The following NPAS2 variants were observed in gnomAD, a reference collection of about 807,000 sequenced individuals.
NPAS2 encodes neuronal PAS domain-containing protein 2.
A neutral mutation model predicts 107.5 loss-of-function variants in NPAS2; 23 were observed. The observed-to-expected ratio is 0.21, with a 90% confidence interval of 0.15 to 0.30. The LOEUF is 0.30. Ranked by LOEUF, NPAS2 falls within the 10% of genes least tolerant of loss-of-function variation. The pLI is 1.00. For missense variants in NPAS2, 756 were observed against 1,043.3 expected (o/e 0.72, Z 3.79); for synonymous variants, 403 against 417.5 (o/e 0.97, Z 0.42).
intron 1 of NPAS2, among the ~76,000 whole-genome samples, chr2:100,861,744 G>A (rs1032307708): frequency 6.6e-6 from 1 of 152,184 alleles, no homozygotes; most frequent in Non-Finnish European, 1.5e-5. Flanking sequence ...ATTCTGCCTT[G>A]TTTTCCCTTT....
At chr2:100,925,507 C>G (rs1683503476) in intron 3 of NPAS2, among the ~76,000 whole-genome samples, 1 of 152,174 alleles carries the variant, frequency 6.6e-6, no homozygotes, top group Non-Finnish European at 1.5e-5. Flanking sequence ...GCATTATAAG[C>G]CAGACGAGAG....
chr2:100,835,981 G>A (rs867573284), intron 1 of NPAS2, among the ~76,000 whole-genome samples: 2 of 152,228 alleles, frequency 1.3e-5, no homozygotes, highest in Admixed American at 6.5e-5. Flanking sequence ...ATTGTTCCTC[G>A]GTTTGACTCC....
intron 1 of NPAS2, among the ~76,000 whole-genome samples, chr2:100,850,362 A>G (rs1279546350): frequency 6.6e-6 from 1 of 152,170 alleles, no homozygotes; most frequent in African/African-American, 2.4e-5. Flanking sequence ...TTCAGCCTCC[A>G]AAGGTTGGGA....
chr2:100,882,144 A>T (rs1680390274), intron 1 of NPAS2, among the ~76,000 whole-genome samples: 1 of 152,156 alleles, frequency 6.6e-6, no homozygotes, highest in Non-Finnish European at 1.5e-5. Flanking sequence ...CAAGAGGTTC[A>T]AGTTCAGTGT....
chr2:100,990,584 A>G, intron 18 of NPAS2, 138 bp downstream of exon 18: 1 of 1,085,456 alleles, frequency 9.2e-7, no homozygotes, highest in South Asian at 1.5e-5. Context: ...CTAAGGAAGC[A>G]GAGGACAGGG....
chr2:100,892,513 G>T (rs940721995), intron 1 of NPAS2, among the ~76,000 whole-genome samples: 1 of 152,042 alleles, frequency 6.6e-6, no homozygotes, highest in African/African-American at 2.4e-5. Flanking sequence ...GCTCTATGAG[G>T]CTCCAGCAAG....
intron 1 of NPAS2, among the ~76,000 whole-genome samples, chr2:100,841,666 T>TACAC (rs1198155163): frequency 6.6e-6 from 1 of 152,144 alleles, no homozygotes. Context: ...GAATTCCATC[T>TACAC]ACACACACAT....
intron 10 of NPAS2, among the ~76,000 whole-genome samples, chr2:100,967,181 C>T (rs1162747084): frequency 6.6e-6 from 1 of 151,856 alleles, no homozygotes; most frequent in Non-Finnish European, 1.5e-5. Context: ...AGCCCACACC[C>T]TCAATCTGCT....
intron 1 of NPAS2, among the ~76,000 whole-genome samples, chr2:100,830,139 G>A (rs6741404): frequency 0.019 from 2,882 of 152,208 alleles, 82 homozygotes; most frequent in African/African-American, 0.065. Flanking sequence ...ATATCCTAAC[G>A]CGAATAGAAT....
chr2:100,853,681 G>A (rs929739556), intron 1 of NPAS2, among the ~76,000 whole-genome samples: 2 of 152,200 alleles, frequency 1.3e-5, no homozygotes, highest in Non-Finnish European at 2.9e-5. Context: ...TCTCAAGGCA[G>A]GATGCTGCAG....
rs867838301 is a variant in NPAS2, at chr2:100,971,086, C to T, written c.1140+12C>T. On this transcript the variant is annotated intron_variant, in intron 12 of 20. Coordinates refer to ENST00000335681, the MANE Select transcript of NPAS2 (RefSeq NM_002518.4). ...CCTCAGCACTAAAGGTACGCCCATC[C>T]CTGCCAGATGGATACGGCAAAGGTT... is the stretch of plus-strand genomic sequence containing the variant. 6.2e-7 allele frequency: 1 copy of T among 1,612,148 alleles called. No individual in the cohort carries two copies. Among genetic ancestry groups the T allele is most frequent in the African/African-American group, 1.3e-5 (1 of 74,852 alleles).
At chr2:100,826,976 A>G (rs1676428684) in intron 1 of NPAS2, among the ~76,000 whole-genome samples, 1 of 152,236 alleles carries the variant, frequency 6.6e-6, no homozygotes, top group African/African-American at 2.4e-5. Flanking sequence ...AACAATTTAA[A>G]TTAAATTTTA....
chr2:100,936,643 C>T (rs2104964767), intron 4 of NPAS2, among the ~76,000 whole-genome samples: 1 of 152,300 alleles, frequency 6.6e-6, no homozygotes, highest in South Asian at 2.1e-4. Flanking sequence ...TGTGAAAGCA[C>T]TGCAAGCATC....
At position 100,970,971 on chromosome 2, in the gene NPAS2, C is replaced by G; in HGVS notation, c.1056-19C>G. The G allele has an allele frequency of 1.2e-6, 2 of 1,611,860 alleles. No homozygotes were observed. ...TGGAATGCCCCATCTCCACTGTGGT[C>G]TCTTAATTTCCTGTACAGTTACGCA... On this transcript the variant is annotated intron_variant, in intron 11 of 20. Transcript: ENST00000335681.
chr2:100,939,731 G>A (rs1435985817), intron 5 of NPAS2, among the ~76,000 whole-genome samples: 1 of 152,176 alleles, frequency 6.6e-6, no homozygotes, highest in Non-Finnish European at 1.5e-5. Context: ...AACAGGATTT[G>A]CACTGTTCTG....
intron 7 of NPAS2, among the ~76,000 whole-genome samples, chr2:100,955,050 G>A (rs535294978): frequency 1.3e-5 from 2 of 152,098 alleles, no homozygotes; most frequent in Admixed American, 6.5e-5. Flanking sequence ...GCTAATTTTT[G>A]TATTTTTAGT....
At chr2:100,879,153 A>G (rs963740219) in intron 1 of NPAS2, among the ~76,000 whole-genome samples, 1 of 152,020 alleles carries the variant, frequency 6.6e-6, no homozygotes, top group Admixed American at 6.6e-5. Flanking sequence ...AAATATTTTC[A>G]TGAAGGTGCA....
chr2:100,830,111 T>C (rs928274485), intron 1 of NPAS2, among the ~76,000 whole-genome samples: 2 of 152,214 alleles, frequency 1.3e-5, no homozygotes, highest in Admixed American at 6.5e-5. Context: ...CTTTGTTGCA[T>C]GCATTGAGGC....
intron 4 of NPAS2, 45 bp downstream of exon 4, chr2:100,933,046 T>C: frequency 7.2e-7 from 1 of 1,383,290 alleles, no homozygotes; most frequent in Non-Finnish European, 1.0e-6. Flanking sequence ...CCAGTTAAAA[T>C]GTAGCTACTT....
Sources: allele counts gnomAD v4.1 joint callset (sites outside exome capture counted in the v4.1 genomes callset), GRCh38; gene constraint gnomAD v4.1.1; transcripts MANE v1.5; gene names NCBI Gene and HGNC (gene_info 2026-07-23, HGNC 2026-07-21).